The following CARMIL1 variants were observed in gnomAD, a reference collection of about 807,000 sequenced individuals.
CARMIL1 encodes F-actin-uncapping protein LRRC16A.
CARMIL1 carries 90 observed loss-of-function variants against 177.1 expected under a neutral mutation model. The observed-to-expected ratio is 0.51, with a 90% confidence interval of 0.43 to 0.61. The LOEUF (loss-of-function observed/expected upper bound fraction) is 0.61. Ranked by LOEUF, CARMIL1 falls within the 20% of genes least tolerant of loss-of-function variation. CARMIL1 has a pLI of 0.00. For synonymous variants in CARMIL1, 577 were observed against 606.2 expected, an observed-to-expected ratio of 0.95 and a Z score of 0.71; for missense variants, 1,380 against 1,667.0, an observed-to-expected ratio of 0.83 and a Z score of 3.00.
intron 2 of CARMIL1, among the ~76,000 whole-genome samples, chr6:25,386,405 A>G (rs988040186): frequency 2.4e-4 from 37 of 152,166 alleles, no homozygotes; most frequent in Admixed American, 2.4e-3. Context: ...GGTGTCTGCC[A>G]CCACACCTGG....
chr6:25,488,850 A>AT (rs1344932871), intron 13 of CARMIL1, among the ~76,000 whole-genome samples: 1 of 151,990 alleles, frequency 6.6e-6, no homozygotes, highest in African/African-American at 2.4e-5. Flanking sequence ...CTGTTGAAGA[A>AT]TTTTTTTCTT....
intron 2 of CARMIL1, among the ~76,000 whole-genome samples, chr6:25,379,366 C>T (rs964856093): frequency 1.3e-5 from 2 of 152,136 alleles, no homozygotes; most frequent in African/African-American, 4.8e-5. Flanking sequence ...CAGGGAACAC[C>T]ATTTACATCA....
At chr6:25,551,946 C>T (rs1031104582) in intron 27 of CARMIL1, among the ~76,000 whole-genome samples, 3 of 152,224 alleles carry the variant, frequency 2.0e-5, no homozygotes, top group Non-Finnish European at 4.4e-5. Context: ...ATTATATTAT[C>T]GTTAACTAGA....
chr6:25,487,904 T>G (rs1026882347), intron 12 of CARMIL1, among the ~76,000 whole-genome samples: 1 of 152,208 alleles, frequency 6.6e-6, no homozygotes, highest in African/African-American at 2.4e-5. Context: ...ATGTAAAGAG[T>G]GTATAGAGTG....
chr6:25,480,748 T>C (rs951039232), intron 11 of CARMIL1, among the ~76,000 whole-genome samples: 3 of 145,470 alleles, frequency 2.1e-5, no homozygotes, highest in African/African-American at 7.5e-5. Flanking sequence ...TTTTTTTTTT[T>C]GAGTTGGAGT....
At chr6:25,471,331 G>GTTTTTT in intron 10 of CARMIL1, 74 bp downstream of exon 10, 1 of 743,336 alleles carries the variant, frequency 1.3e-6, no homozygotes, top group Non-Finnish European at 2.0e-6. Context: ...TTAATTCATA[G>GTTTTTT]TTTTTTTTTT....
At chr6:25,586,632 G>A (rs13204620) in intron 31 of CARMIL1, among the ~76,000 whole-genome samples, 6 of 152,010 alleles carry the variant, frequency 3.9e-5, no homozygotes, top group East Asian at 1.9e-4. Flanking sequence ...GTAGCGAGCC[G>A]AGATCACGCC....
intron 29 of CARMIL1, among the ~76,000 whole-genome samples, chr6:25,574,008 G>A (rs571228105): frequency 6.6e-6 from 1 of 152,200 alleles, no homozygotes; most frequent in Non-Finnish European, 1.5e-5. Context: ...TACACAAACA[G>A]AACAACTCCG....
chr6:25,499,461 G>C (rs1226829198), intron 16 of CARMIL1, among the ~76,000 whole-genome samples: 7 of 152,222 alleles, frequency 4.6e-5, no homozygotes, highest in Admixed American at 4.6e-4. Flanking sequence ...AAGCTTGCTT[G>C]ATGGTGTTGG....
Position 25,366,605 on chromosome 6 carries a change from A to G in CARMIL1, c.139-53509A>G, listed in dbSNP as rs975321307. Among the ~76,000 whole-genome samples, 16 of 151,054 alleles carry G rather than the reference A, an allele frequency of 1.1e-4. 1 individual carries two copies. Among genetic ancestry groups the G allele is most frequent in the Middle Eastern group, 6.8e-3 (2 of 294 alleles). ...TTTTGCCTATTTTGCTCACTGCTGT[A>G]TATCCAACCTTTTAGAATAGTGCCT... On this transcript the variant is annotated intron_variant, in intron 2 of 36. Coordinates refer to ENST00000329474, the MANE Select transcript of CARMIL1 (RefSeq NM_017640.6).
chr6:25,586,940 C>G (rs150442692), intron 31 of CARMIL1, among the ~76,000 whole-genome samples: 1 of 147,148 alleles, frequency 6.8e-6, no homozygotes, highest in Non-Finnish European at 1.5e-5. Context: ...AGATAGAGAC[C>G]GTGGAGAGAG....
chr6:25,469,676 C>G (rs1800930711), intron 9 of CARMIL1, among the ~76,000 whole-genome samples: 1 of 152,104 alleles, frequency 6.6e-6, no homozygotes, highest in South Asian at 2.1e-4. Flanking sequence ...TCCCACCTTA[C>G]CCTCCTGAGT....
chr6:25,431,839 G>C (rs1796817214), intron 4 of CARMIL1, among the ~76,000 whole-genome samples: 4 of 152,050 alleles, frequency 2.6e-5, no homozygotes, highest in Admixed American at 2.6e-4. Flanking sequence ...CAAATGAATA[G>C]CTTTACAACA....
intron 36 of CARMIL1, among the ~76,000 whole-genome samples, chr6:25,616,575 A>C (rs1816908216): frequency 1.3e-5 from 2 of 152,226 alleles, no homozygotes; most frequent in South Asian, 2.1e-4. Context: ...CTCAGTATCT[A>C]TAAATGAATA....
Position 25,520,275 on chromosome 6 carries a change from A to G in CARMIL1, c.1906A>G (p.Met636Val), listed in dbSNP as rs1806413356. The change falls in exon 23 of 37, where the codon ATG (methionine) becomes GTG (valine). Residue 636 changes from methionine to valine, a missense_variant. Physicochemically the swap from Met to Val is conservative, Grantham distance 21. Transcript: ENST00000329474. ...CACATTAAGATTTATGCCAATTCCT[A>G]TGTATGATGCTTCTCAAGCCCTAAA... is the stretch of plus-strand genomic sequence containing the variant. ...NYTLRFMPIP[M>V]YDASQALKTN... 5 of 1,560,630 alleles carry G rather than the reference A, an allele frequency of 3.2e-6. No individual in the cohort carries two copies. Among genetic ancestry groups the G allele is most frequent in the Non-Finnish European group, 4.3e-6 (5 of 1,150,288 alleles).
chr6:25,594,669 C>A, intron 32 of CARMIL1, 142 bp downstream of exon 32: 2 of 582,594 alleles, frequency 3.4e-6, no homozygotes, highest in South Asian at 2.1e-5. Context: ...GGTCTCTGGG[C>A]CGGCAATACC....
At chr6:25,513,530 A>G (rs1218013629) in intron 20 of CARMIL1, among the ~76,000 whole-genome samples, 1 of 152,238 alleles carries the variant, frequency 6.6e-6, no homozygotes, top group Non-Finnish European at 1.5e-5. Context: ...GGACAATAAT[A>G]TGCTTGTTGT....
chr6:25,610,727 A>G (rs1330051156), intron 36 of CARMIL1, among the ~76,000 whole-genome samples: 3 of 152,150 alleles, frequency 2.0e-5, no homozygotes. Context: ...GCTCCTTCTA[A>G]TTTGCTGAGG....
Position 25,551,006 on chromosome 6 carries a change from G to A in CARMIL1, c.2425G>A (p.Glu809Lys), listed in dbSNP as rs540573662. Residue 809 changes from glutamate (E) to lysine (K), a missense_variant, in exon 27 of 37, where the codon GAA (glutamate) becomes AAA (lysine). Coordinates refer to ENST00000329474, the MANE Select transcript of CARMIL1 (RefSeq NM_017640.6). ...ACAAGACTTGATTCATGCCAGCACC[G>A]AAAAGATTTCTATTCCACGTACCTT... is the stretch of plus-strand genomic sequence containing the variant. Reference protein sequence around the residue: ...IRQDLIHASTEKISIPRTFVK... With the variant: ...IRQDLIHASTKKISIPRTFVK... 417 of 1,613,458 alleles carry A rather than the reference G, an allele frequency of 2.6e-4. 6 individuals are homozygous for A. The South Asian group carries it at 4.0e-3, about 16-fold the overall frequency.
Sources: gnomAD v4.1 joint callset for allele counts (sites outside exome capture counted in the v4.1 genomes callset) on GRCh38, gnomAD v4.1.1 for gene constraint, MANE v1.5 for transcripts, NCBI Gene and HGNC (gene_info 2026-07-23, HGNC 2026-07-21) for gene names.